The following ADAMTS18 variants were observed in gnomAD, a reference collection of about 807,000 sequenced individuals.
The protein encoded by ADAMTS18 is ADAM metallopeptidase with thrombospondin type 1 motif 18.
Under a neutral mutation model 165.9 loss-of-function variants are expected in ADAMTS18, and 157 were observed. The observed-to-expected ratio is 0.95, with a 90% CI of 0.83 to 1.08. The LOEUF (loss-of-function observed/expected upper bound fraction) is 1.08, where lower values mean the gene tolerates loss of function less well. ADAMTS18 is among the 50% of genes least tolerant of loss of function. The pLI, the probability that ADAMTS18 is intolerant of heterozygous loss-of-function variation, is 0.00. For synonymous variants in ADAMTS18, 782 were observed against 578.2 expected, an observed-to-expected ratio of 1.35 and a Z score of -5.06; for missense variants, 2,040 against 1,534.0, an observed-to-expected ratio of 1.33 and a Z score of -5.51.
intron 3 of ADAMTS18, among the ~76,000 whole-genome samples, chr16:77,381,064 G>A (rs567041349): frequency 5.2e-4 from 79 of 152,100 alleles, no homozygotes; most frequent in African/African-American, 1.8e-3. Flanking sequence ...AGTAGAGACG[G>A]GGTTTCACCA....
Position 77,364,211 on chromosome 16 carries a change from A to AC in ADAMTS18, c.948_949insG (p.Tyr317ValfsTer14). The AC allele has an allele frequency of 6.2e-7, 1 of 1,614,088 alleles. No homozygotes were observed. Among genetic ancestry groups the AC allele is most frequent in the South Asian group, 1.1e-5 (1 of 91,080 alleles). ...ACCATGTTCATTACTGTGAGAATGT[A>AC]TGTGGTGACATTTCCCTTGCCATGC... On this transcript the variant is annotated frameshift_variant, in exon 5 of 23. Transcript: ENST00000282849. LOFTEE classifies it high-confidence loss of function.
intron 7 of ADAMTS18, among the ~76,000 whole-genome samples, chr16:77,359,801 A>C (rs2056686072): frequency 6.6e-6 from 1 of 152,232 alleles, no homozygotes. Context: ...AAACCAATGC[A>C]AAATGCTCAC....
At chr16:77,301,650 T>C (rs894221027) in intron 16 of ADAMTS18, among the ~76,000 whole-genome samples, 8 of 152,184 alleles carry the variant, frequency 5.3e-5, no homozygotes, top group Non-Finnish European at 1.0e-4. Flanking sequence ...TAGAGTTTGG[T>C]GGGTGGCAGC....
At chr16:77,419,420 G>A (rs1373783471) in intron 3 of ADAMTS18, among the ~76,000 whole-genome samples, 2 of 152,050 alleles carry the variant, frequency 1.3e-5, no homozygotes, top group African/African-American at 2.4e-5. Context: ...AGCCCCATGT[G>A]CCTTGTGTCA....
Position 77,282,816 on chromosome 16 carries a change from G to C in ADAMTS18, c.*1140C>G, listed in dbSNP as rs1294312482. On this transcript the variant is annotated 3_prime_UTR_variant, in exon 23 of 23. Coordinates refer to ENST00000282849, the MANE Select transcript of ADAMTS18 (RefSeq NM_199355.4). ...GACTGAAAATACTCTTATTCAGTGA[G>C]GGTCTTGTCATATTATGATTTATTA... 1 of 152,326 alleles carries C rather than the reference G, an allele frequency of 6.6e-6. No homozygotes were observed. The highest frequency in any genetic ancestry group is 2.1e-4 in the South Asian group (1 of 4,818). The allele number at this position is 152,326 out of a possible 1,614,324, so 9.4% of individuals were successfully genotyped here.
At chr16:77,395,103 A>G (rs546935257) in intron 3 of ADAMTS18, among the ~76,000 whole-genome samples, 1 of 152,334 alleles carries the variant, frequency 6.6e-6, no homozygotes, top group South Asian at 2.1e-4. Flanking sequence ...CTAAGGAAGG[A>G]TACAGCAAGC....
chr16:77,418,308 T>G, intron 3 of ADAMTS18, among the ~76,000 whole-genome samples: 1 of 152,144 alleles, frequency 6.6e-6, no homozygotes, highest in East Asian at 1.9e-4. Flanking sequence ...AATAAACTCA[T>G]ATAAGTGCAC....
chr16:77,411,243 C>A (rs2057458668), intron 3 of ADAMTS18, among the ~76,000 whole-genome samples: 1 of 152,166 alleles, frequency 6.6e-6, no homozygotes, highest in African/African-American at 2.4e-5. Context: ...ACATGGCTGG[C>A]TCCCTGACAT....
chr16:77,355,097 T>G (rs773396662), intron 9 of ADAMTS18, among the ~76,000 whole-genome samples: 1 of 152,036 alleles, frequency 6.6e-6, no homozygotes, highest in Non-Finnish European at 1.5e-5. Flanking sequence ...AAATAAAGTA[T>G]CAAAAGTGTC....
intron 16 of ADAMTS18, among the ~76,000 whole-genome samples, chr16:77,314,594 A>G (rs2055845764): frequency 7.3e-6 from 1 of 136,454 alleles, no homozygotes; most frequent in Non-Finnish European, 1.6e-5. Flanking sequence ...CCTGGGCAAC[A>G]AGAGCAAAAC....
At chr16:77,340,423 C>T (rs970553826) in intron 11 of ADAMTS18, among the ~76,000 whole-genome samples, 2 of 152,190 alleles carry the variant, frequency 1.3e-5, no homozygotes, top group South Asian at 2.1e-4. Flanking sequence ...GATCCACCCA[C>T]CTTGGCCTCT....
intron 11 of ADAMTS18, among the ~76,000 whole-genome samples, chr16:77,339,587 G>T (rs2056367340): frequency 7.4e-6 from 1 of 135,604 alleles, no homozygotes. Context: ...TAACGATGTT[G>T]CTTTTTCAAT....
intron 16 of ADAMTS18, among the ~76,000 whole-genome samples, chr16:77,310,265 T>C (rs577368398): frequency 7.2e-5 from 11 of 152,240 alleles, no homozygotes; most frequent in Non-Finnish European, 1.6e-4. Flanking sequence ...CATCCCACGA[T>C]GTTCCAGACA....
chr16:77,323,011 A>C (rs1338698615), intron 13 of ADAMTS18, among the ~76,000 whole-genome samples: 3 of 152,236 alleles, frequency 2.0e-5, no homozygotes, highest in Non-Finnish European at 4.4e-5. Context: ...AGAGAAAAAA[A>C]ACCATGTCAT....
intron 18 of ADAMTS18, among the ~76,000 whole-genome samples, chr16:77,296,820 C>T (rs1187260259): frequency 6.6e-6 from 1 of 151,892 alleles, no homozygotes; most frequent in African/African-American, 2.4e-5. Flanking sequence ...ACTCCTTGTT[C>T]CTCCTCCCCT....
chr16:77,394,155 T>G (rs2057226560), intron 3 of ADAMTS18, among the ~76,000 whole-genome samples: 1 of 152,216 alleles, frequency 6.6e-6, no homozygotes, highest in African/African-American at 2.4e-5. Flanking sequence ...TAGCAGCCAT[T>G]TGCTGGGGTG....
intron 3 of ADAMTS18, among the ~76,000 whole-genome samples, chr16:77,402,365 G>A (rs978183829): frequency 6.6e-6 from 1 of 152,120 alleles, no homozygotes; most frequent in Non-Finnish European, 1.5e-5. Context: ...CTGGAAGCAG[G>A]CCTAGGGGCC....
chr16:77,304,809 ATG>A (rs2055652410), intron 16 of ADAMTS18, among the ~76,000 whole-genome samples: 1 of 152,210 alleles, frequency 6.6e-6, no homozygotes, highest in African/African-American at 2.4e-5. Flanking sequence ...ATGCCTGTGT[ATG>A]TGTGTTACTA....
At chr16:77,420,214 T>C (rs929433576) in intron 3 of ADAMTS18, among the ~76,000 whole-genome samples, 3 of 151,768 alleles carry the variant, frequency 2.0e-5, no homozygotes, top group African/African-American at 7.3e-5. Flanking sequence ...AGTCTAATTA[T>C]TTCAAAATAA....
Sources: gnomAD v4.1 joint callset for allele counts (sites outside exome capture counted in the v4.1 genomes callset) on GRCh38, gnomAD v4.1.1 for gene constraint, MANE v1.5 for transcripts, NCBI Gene and HGNC (gene_info 2026-07-23, HGNC 2026-07-21) for gene names.